Variants in MOG observed in about 807,000 individuals in gnomAD.
MOG encodes myelin oligodendrocyte glycoprotein.
Under a neutral mutation model 35.9 loss-of-function variants are expected in MOG, and 20 were observed. The ratio of observed to expected loss-of-function variants is 0.56; its 90% CI spans 0.39 to 0.81. The LOEUF (loss-of-function observed/expected upper bound fraction) is 0.81. MOG is among the 30% of genes least tolerant of loss of function. The pLI is 0.00. For missense variants in MOG, 251 were observed against 301.0 expected (o/e 0.83, Z 1.23); for synonymous variants, 92 against 114.3 (o/e 0.80, Z 1.25).
chr6:29,668,548 G>A lies in MOG; in HGVS notation c.592+624G>A, dbSNP rs115918788. On this transcript the variant is annotated intron_variant, in intron 5 of 7. Coordinates refer to ENST00000376917, the MANE Select transcript of MOG (RefSeq NM_206809.4). The stretch of plus-strand genomic sequence containing the variant: ...TAGAAGGTGTCATTAGGGCACAGAT[G>A]GTACCTTCTCTGAGCAAACTTCCTT... 6.3e-3 allele frequency among the ~76,000 whole-genome samples: 955 copies of A among 152,280 alleles called. 18 individuals carry two copies. Among genetic ancestry groups the A allele is most frequent in the African/African-American group, 0.022 (926 of 41,546 alleles).
Position 29,670,631 on chromosome 6 carries a change from C to T in MOG, c.710-70C>T. 6.3e-7 allele frequency: 1 copy of T among 1,598,190 alleles called. No individual in the cohort carries two copies. The highest frequency in any genetic ancestry group is 8.5e-7 in the Non-Finnish European group (1 of 1,172,180). On this transcript the variant is annotated intron_variant, in intron 6 of 7. Coordinates refer to ENST00000376917, the MANE Select transcript of MOG (RefSeq NM_206809.4). The surrounding 1 kb of genome is among the most constrained non-coding windows in gnomAD (Gnocchi z 4.2). Reference sequence around the variant, plus strand: ...GGCAGTGTGGGTCACTCCAAATGTCCATAGGGAGGATGTGGGGAAGGTGCT... The same window carrying T: ...GGCAGTGTGGGTCACTCCAAATGTCTATAGGGAGGATGTGGGGAAGGTGCT...
At position 29,670,610 on chromosome 6, in the gene MOG, G is replaced by GT; in HGVS notation, c.710-90dup. ...GTGGGATCCCCCAGTGGAAAGGGCA[G>GT]TGTGGGTCACTCCAAATGTCCATAG... On this transcript the variant is annotated intron_variant, in intron 6 of 7. Coordinates refer to ENST00000376917, the MANE Select transcript of MOG (RefSeq NM_206809.4). The surrounding 1 kb of genome is among the most constrained non-coding windows in gnomAD (Gnocchi z 4.2). 1.3e-6 allele frequency: 2 copies of GT among 1,589,950 alleles called. No homozygotes were observed. The highest frequency in any genetic ancestry group is 1.7e-6 in the Non-Finnish European group (2 of 1,167,890).
In MOG at chr6:29,671,234, A is replaced by G. The variant is rs1437636176; in HGVS notation, c.*49A>G. The G allele has an allele frequency of 1.2e-6, 2 of 1,612,392 alleles. No homozygotes were observed. The highest frequency in any genetic ancestry group is 2.2e-5 in the East Asian group (1 of 44,896). ...TGGAGGAGAGCCTGGTTGCCCAGGGATTTGTCCTTGGGGACATCTCATCCA... is the reference window on the plus strand; with the variant it reads ...TGGAGGAGAGCCTGGTTGCCCAGGGGTTTGTCCTTGGGGACATCTCATCCA... On this transcript the variant is annotated 3_prime_UTR_variant, in exon 8 of 8. Transcript: ENST00000376917.
Position 29,672,262 on chromosome 6 carries a change from G to A in MOG, c.*1077G>A, listed in dbSNP as rs1984840. The A allele has an allele frequency of 0.17, 28,451 of 166,896 alleles. 2,710 individuals carry two copies. Among genetic ancestry groups the A allele is most frequent in the Admixed American group, 0.25 (3,785 of 15,440 alleles). 10.3% of individuals were successfully genotyped at this position (166,896 alleles called of 1,614,324 possible). A position where few individuals can be genotyped will look rare whatever the true frequency, so the allele number is the denominator to read the frequency against. On this transcript the variant is annotated 3_prime_UTR_variant, in exon 8 of 8. Coordinates refer to ENST00000376917, the MANE Select transcript of MOG (RefSeq NM_206809.4). ...GAGATCGTGCCACTGCACTCTAGCC[G>A]GAGTGACAGAGTAAGACTCTGTCTC...
At chr6:29,669,445 C>T (rs1412585951) in intron 5 of MOG, among the ~76,000 whole-genome samples, 1 of 151,554 alleles carries the variant, frequency 6.6e-6, no homozygotes, top group Non-Finnish European at 1.5e-5. Flanking sequence ...CGCATGCCAC[C>T]ATGCCCAGCT....
intron 2 of MOG, among the ~76,000 whole-genome samples, chr6:29,660,075 A>G (rs971144777): frequency 6.6e-6 from 1 of 152,090 alleles, no homozygotes; most frequent in Non-Finnish European, 1.5e-5. Flanking sequence ...CCTCGCAGCT[A>G]CTCAGGAGGC....
rs1274138514 is a variant in MOG, at chr6:29,670,379, C to T, written c.691C>T (p.Leu231=). ...TGCCTTGATCATCTGCTACAACTGG[C>T]TACATCGAAGACTAGCAGGTGCAGT... is the stretch of plus-strand genomic sequence containing the variant. ...LVALIICYNW[L]HRRLAGQFLE... The change falls in exon 6 of 8, where the codon CTA becomes TTA. Residue 231 remains leucine, a synonymous_variant. Transcript: ENST00000376917. This position sits in a 1 kb window ranked among gnomAD's most constrained non-coding sequence, Gnocchi z 4.2. The T allele has an allele frequency of 6.2e-7, 1 of 1,614,124 alleles. No individual in the cohort carries two copies.
intron 2 of MOG, chr6:29,661,898 T>C (rs1768883175): frequency 1.0e-6 from 1 of 984,978 alleles, no homozygotes; most frequent in East Asian, 1.1e-4. Context: ...AGTTCTCTTT[T>C]GGGTTGCTAT....
intron 2 of MOG, among the ~76,000 whole-genome samples, chr6:29,664,216 T>A (rs1392556097): frequency 6.7e-6 from 1 of 150,082 alleles, no homozygotes; most frequent in Non-Finnish European, 1.5e-5. Context: ...ATTTATTTAT[T>A]TTTTTTTTGA....
intron 2 of MOG, among the ~76,000 whole-genome samples, chr6:29,664,210 A>ATTTT (rs551437905): frequency 1.4e-5 from 2 of 145,592 alleles, no homozygotes; most frequent in East Asian, 4.0e-4. Flanking sequence ...TTATTTATTT[A>ATTTT]TTTATTTTTT....
In MOG at chr6:29,659,274, G is replaced by A. The variant is rs189132779; in HGVS notation, c.89-45G>A. On this transcript the variant is annotated intron_variant, in intron 1 of 7. Coordinates refer to ENST00000376917, the MANE Select transcript of MOG (RefSeq NM_206809.4). ...TTCTCATGACAGGCTTGCTTGCCAA[G>A]GTTCCCTCTGACCTTAAATCTCTTC... 190 of 1,597,870 alleles carry A rather than the reference G, an allele frequency of 1.2e-4. No homozygotes were observed. The African/African-American group carries it at 2.4e-3, about 20-fold the overall frequency.
intron 3 of MOG, among the ~76,000 whole-genome samples, chr6:29,667,301 T>C (rs1303840154): frequency 6.7e-6 from 1 of 149,972 alleles, no homozygotes; most frequent in Non-Finnish European, 1.5e-5. Flanking sequence ...CTCATTCAGA[T>C]GGGAAGTGGC....
intron 1 of MOG, among the ~76,000 whole-genome samples, chr6:29,658,549 G>A (rs1767690542): frequency 6.6e-6 from 1 of 152,174 alleles, no homozygotes; most frequent in Admixed American, 6.5e-5. Context: ...GACAGTTAAA[G>A]TAGATGGAGT....
Position 29,671,375 on chromosome 6 carries a change from C to A in MOG, c.*190C>A. On this transcript the variant is annotated 3_prime_UTR_variant, in exon 8 of 8. Coordinates refer to ENST00000376917, the MANE Select transcript of MOG (RefSeq NM_206809.4). ...CCTTCTTCTGTCATCTACCTTTTCTCTTCATTTTCCCATTTTTATTACCCT... is the reference window on the plus strand; with the variant it reads ...CCTTCTTCTGTCATCTACCTTTTCTATTCATTTTCCCATTTTTATTACCCT... 1.2e-6 allele frequency: 2 copies of A among 1,612,472 alleles called. No individual in the cohort carries two copies. Among genetic ancestry groups the A allele is most frequent in the Non-Finnish European group, 1.7e-6 (2 of 1,179,706 alleles).
At chr6:29,660,622 T>A (rs1768446663) in intron 2 of MOG, among the ~76,000 whole-genome samples, 2 of 145,946 alleles carry the variant, frequency 1.4e-5, no homozygotes, top group Non-Finnish European at 3.0e-5. Flanking sequence ...AGCAAGTAAA[T>A]CAAATGTCTA....
intron 2 of MOG, among the ~76,000 whole-genome samples, chr6:29,660,555 T>A (rs1469941262): frequency 5.6e-5 from 6 of 106,272 alleles, no homozygotes; most frequent in Non-Finnish European, 1.0e-4. Context: ...ACCCTGTATT[T>A]GTGAGCGCAC....
intron 2 of MOG, among the ~76,000 whole-genome samples, chr6:29,663,130 T>C (rs1240940633): frequency 1.3e-5 from 2 of 151,732 alleles, no homozygotes; most frequent in Non-Finnish European, 2.9e-5. Flanking sequence ...AAAATTAGCC[T>C]GGCGTGGTGG....
At position 29,670,491 on chromosome 6, in the gene MOG, A is replaced by G. The variant is rs1284186619; in HGVS notation, c.709+94A>G. ...CAAAAGAGAATAGAACCAGGACTCA[A>G]GATTAGGGGAGCTGGGATTTCCTTA... On this transcript the variant is annotated intron_variant, in intron 6 of 7. Coordinates refer to ENST00000376917, the MANE Select transcript of MOG (RefSeq NM_206809.4). The surrounding 1 kb of genome is among the most constrained non-coding windows in gnomAD (Gnocchi z 4.2). 2.7e-6 allele frequency: 4 copies of G among 1,498,294 alleles called. No homozygotes were observed. Among genetic ancestry groups the G allele is most frequent in the Non-Finnish European group, 2.8e-6 (3 of 1,077,948 alleles). The allele number at this position is 1,498,294 out of a possible 1,614,324, so 92.8% of individuals were successfully genotyped here. A position where few individuals can be genotyped will look rare whatever the true frequency, so the allele number is the denominator to read the frequency against.
chr6:29,667,954 G>A (rs1229997601), intron 5 of MOG, 30 bp downstream of exon 5: 2 of 1,611,854 alleles, frequency 1.2e-6, no homozygotes, highest in South Asian at 1.1e-5. Context: ...GGCCCTCCCA[G>A]GTCAACTTGG....
Sources: gnomAD v4.1 joint callset for allele counts (sites outside exome capture counted in the v4.1 genomes callset) on GRCh38, gnomAD v4.1.1 for gene constraint, Gnocchi (gnomAD v3.1) non-coding constraint, MANE v1.5 for transcripts, NCBI Gene and HGNC (gene_info 2026-07-23, HGNC 2026-07-21) for gene names.